The following ACYP2 variants were observed in gnomAD, a reference collection of about 807,000 sequenced individuals.
The protein encoded by ACYP2 is acylphosphatase 2.
A neutral mutation model predicts 11.2 loss-of-function variants in ACYP2; 12 were observed. The observed-to-expected ratio is 1.08, with a 90% CI of 0.69 to 1.74. The LOEUF is 1.74. ACYP2 is among the 40% of genes most tolerant of loss of function. The pLI, the probability that ACYP2 is intolerant of heterozygous loss-of-function variation, is 0.00. For missense variants in ACYP2, 134 were observed against 101.9 expected (o/e 1.31, Z -1.35); for synonymous variants, 43 against 32.2 (o/e 1.33, Z -1.13).
intron 5 of ACYP2, among the ~76,000 whole-genome samples, chr2:54,137,901 A>G (rs771491890): frequency 6.6e-6 from 1 of 152,162 alleles, no homozygotes; most frequent in Non-Finnish European, 1.5e-5. Context: ...TCCCACCAAC[A>G]GTTTGTAAGC....
intron 6 of ACYP2, among the ~76,000 whole-genome samples, chr2:54,195,794 G>GGTTTTTTTTTTTTTTT (rs1553389697): frequency 1.2e-5 from 1 of 83,134 alleles, no homozygotes; most frequent in African/African-American, 5.0e-5. Context: ...TTTGTTGTGG[G>GGTTTTTTTTTTTTTTT]TTTTTTTTTT....
At chr2:54,160,100 G>T (rs1026360106) in intron 6 of ACYP2, among the ~76,000 whole-genome samples, 5 of 152,146 alleles carry the variant, frequency 3.3e-5, no homozygotes, top group African/African-American at 1.2e-4. Flanking sequence ...TAAACAAGTG[G>T]CTCGACAAAT....
At chr2:54,063,333 G>A (rs909973859) in intron 4 of ACYP2, among the ~76,000 whole-genome samples, 5 of 152,100 alleles carry the variant, frequency 3.3e-5, no homozygotes, top group Non-Finnish European at 1.5e-5. Flanking sequence ...TACATATAGA[G>A]TTAGGTGCTG....
chr2:54,123,321 G>A (rs887614010), intron 4 of ACYP2: 4 of 398,478 alleles, frequency 1.0e-5, no homozygotes, highest in African/African-American at 6.2e-5. Context: ...CTTCACTGCA[G>A]TTGTTTTGGT....
intron 6 of ACYP2, among the ~76,000 whole-genome samples, chr2:54,182,163 G>A (rs1224598959): frequency 1.4e-5 from 2 of 145,594 alleles, no homozygotes; most frequent in East Asian, 4.1e-4. Context: ...GGTTTCAAGT[G>A]ATTCTCCTGC....
At chr2:54,055,822 T>G (rs1206654160) in intron 3 of ACYP2, among the ~76,000 whole-genome samples, 1 of 152,224 alleles carries the variant, frequency 6.6e-6, no homozygotes, top group African/African-American at 2.4e-5. Context: ...GTTAGAGAAA[T>G]ATTTGACACA....
At chr2:54,041,447 G>A (rs1430631974) in intron 2 of ACYP2, among the ~76,000 whole-genome samples, 1 of 152,204 alleles carries the variant, frequency 6.6e-6, no homozygotes, top group Non-Finnish European at 1.5e-5. Flanking sequence ...CAGAGAAGGT[G>A]TGAAATAGTC....
intron 6 of ACYP2, among the ~76,000 whole-genome samples, chr2:54,205,189 C>T (rs983887323): frequency 1.1e-4 from 16 of 152,192 alleles, no homozygotes; most frequent in African/African-American, 3.6e-4. Context: ...TTCTCAAGCA[C>T]CTGCATAGGC....
chr2:54,225,137 T>C (rs1685959231), intron 6 of ACYP2, among the ~76,000 whole-genome samples: 1 of 152,168 alleles, frequency 6.6e-6, no homozygotes, highest in Non-Finnish European at 1.5e-5. Context: ...CTGAGTGCCA[T>C]GTTAGTTACT....
chr2:54,302,507 ATTGGACCT>A (rs1337227888), intron 6 of ACYP2, among the ~76,000 whole-genome samples: 1 of 152,210 alleles, frequency 6.6e-6, no homozygotes, highest in East Asian at 1.9e-4. Context: ...AAGTACAGTC[ATTGGACCT>A]ATCTTTTCTA....
intron 6 of ACYP2, among the ~76,000 whole-genome samples, chr2:54,153,461 T>G (rs1399474565): frequency 4.1e-5 from 2 of 48,558 alleles, no homozygotes; most frequent in African/African-American, 6.5e-5. Context: ...CTACTTAGGG[T>G]TTTTTTTTTT....
intron 4 of ACYP2, chr2:54,085,025 C>T (rs1405048259): frequency 6.6e-6 from 1 of 152,118 alleles, no homozygotes; most frequent in African/African-American, 2.4e-5. Context: ...TATTCTATGT[C>T]TTCAACTTAC....
At chr2:54,182,438 C>T (rs562884082) in intron 6 of ACYP2, among the ~76,000 whole-genome samples, 1 of 152,276 alleles carries the variant, frequency 6.6e-6, no homozygotes, top group East Asian at 1.9e-4. Context: ...ACCTTCCAGG[C>T]TCAAGCACTT....
In ACYP2 at chr2:54,040,748, G is replaced by A. The variant is rs61513873; in HGVS notation, c.63-10210G>A. On this transcript the variant is annotated intron_variant, in intron 2 of 6. Coordinates refer to ENST00000607452, the MANE Select transcript of ACYP2 (RefSeq NM_001320586.2). Reference sequence around the variant, plus strand: ...CTGTTGGATATAGCAACAGGAAAGTGGAGGAGATCTTGATGAGAGTGATTT... The same window carrying A: ...CTGTTGGATATAGCAACAGGAAAGTAGAGGAGATCTTGATGAGAGTGATTT... Among the ~76,000 whole-genome samples, 826 of 152,282 alleles carry A rather than the reference G, an allele frequency of 5.4e-3. 11 individuals carry two copies. Among genetic ancestry groups the A allele is most frequent in the African/African-American group, 0.019 (774 of 41,540 alleles).
intron 6 of ACYP2, among the ~76,000 whole-genome samples, chr2:54,146,552 G>C (rs186928641): frequency 6.6e-6 from 1 of 151,858 alleles, no homozygotes; most frequent in Non-Finnish European, 1.5e-5. Context: ...TGGGATTACA[G>C]GTGTGAGCCA....
intron 4 of ACYP2, among the ~76,000 whole-genome samples, chr2:54,108,402 T>G (rs1438477781): frequency 6.6e-6 from 1 of 152,234 alleles, no homozygotes; most frequent in East Asian, 1.9e-4. Context: ...CGAAGGCCCT[T>G]GTTGTCACAC....
chr2:54,057,443 C>G, intron 4 of ACYP2: 4 of 392,524 alleles, frequency 1.0e-5, no homozygotes, highest in Non-Finnish European at 1.8e-5. Flanking sequence ...TAAAATTAGC[C>G]TCAGGATGGC....
intron 2 of ACYP2, among the ~76,000 whole-genome samples, chr2:54,026,997 C>G (rs1424128129): frequency 6.6e-6 from 1 of 152,162 alleles, no homozygotes; most frequent in Non-Finnish European, 1.5e-5. Flanking sequence ...CCTCAGAAAT[C>G]ACCACTAAAG....
At chr2:54,132,346 C>G (rs1045780640) in intron 4 of ACYP2, among the ~76,000 whole-genome samples, 32 of 152,180 alleles carry the variant, frequency 2.1e-4, no homozygotes, top group African/African-American at 7.7e-4. Context: ...GATTCTCTTT[C>G]AGATCAATAT....
Sources: allele counts gnomAD v4.1 joint callset (sites outside exome capture counted in the v4.1 genomes callset), GRCh38; gene constraint gnomAD v4.1.1; transcripts MANE v1.5; gene names NCBI Gene and HGNC (gene_info 2026-07-23, HGNC 2026-07-21).